The following PCDHA12 variants were observed in gnomAD, a reference collection of about 807,000 sequenced individuals.
PCDHA12 encodes protocadherin alpha-12.
In PCDHA12, 44 loss-of-function variants were observed where a neutral mutation model predicts 60.0. The ratio of observed to expected loss-of-function variants is 0.73; its 90% CI spans 0.58 to 0.94. The LOEUF (loss-of-function observed/expected upper bound fraction) is 0.94. Among genes scored for constraint, PCDHA12 ranks in the 40% least tolerant of loss-of-function variants. The pLI is 0.00. For synonymous variants in PCDHA12, 569 were observed against 553.0 expected (o/e 1.03, Z -0.40); for missense variants, 1,276 against 1,239.7 (o/e 1.03, Z -0.44).
At chr5:140,916,606 C>A (rs561641984) in intron 1 of PCDHA12, among the ~76,000 whole-genome samples, 1 of 152,168 alleles carries the variant, frequency 6.6e-6, no homozygotes, top group African/African-American at 2.4e-5. Context: ...GGAATGCGGG[C>A]CTCATGACTC....
chr5:140,902,956 G>A (rs1356131798), intron 1 of PCDHA12, among the ~76,000 whole-genome samples: 3 of 152,242 alleles, frequency 2.0e-5, no homozygotes, highest in Non-Finnish European at 4.4e-5. Context: ...TTATCCACTT[G>A]TTGGCTGATG....
intron 3 of PCDHA12, among the ~76,000 whole-genome samples, chr5:140,992,995 A>C (rs1347087034): frequency 2.0e-5 from 3 of 152,202 alleles, no homozygotes; most frequent in African/African-American, 7.2e-5. Context: ...GACCCATGAA[A>C]GAGCCTCCCC....
At chr5:140,988,756 A>G (rs577332845) in intron 3 of PCDHA12, among the ~76,000 whole-genome samples, 170 of 152,318 alleles carry the variant, frequency 1.1e-3, no homozygotes, top group African/African-American at 4.0e-3. Flanking sequence ...TGGCCTGGGC[A>G]GAATACAGTC....
intron 1 of PCDHA12, among the ~76,000 whole-genome samples, chr5:140,921,037 T>C (rs2079983245): frequency 1.3e-5 from 2 of 151,986 alleles, no homozygotes; most frequent in Admixed American, 1.3e-4. Context: ...TGGGGTGCAG[T>C]GGGGCAATCA....
At chr5:140,883,467 C>T in intron 1 of PCDHA12, 1 of 1,614,170 alleles carries the variant, frequency 6.2e-7, no homozygotes, top group Non-Finnish European at 8.5e-7. Flanking sequence ...CTGGTGTCCA[C>T]CTACAAGAAC....
chr5:140,884,478 C>G, intron 1 of PCDHA12: 1 of 1,613,916 alleles, frequency 6.2e-7, no homozygotes, highest in African/African-American at 1.3e-5. Context: ...CCGGGCAAGC[C>G]CACTCTAGTG....
chr5:140,995,113 A>G (rs560699104), intron 3 of PCDHA12, among the ~76,000 whole-genome samples: 68 of 152,252 alleles, frequency 4.5e-4, no homozygotes, highest in Non-Finnish European at 8.4e-4. Flanking sequence ...CAAGACCCTC[A>G]GTGGATGCCT....
At chr5:140,985,739 CTTT>C (rs11372071) in intron 3 of PCDHA12, among the ~76,000 whole-genome samples, 5 of 117,900 alleles carry the variant, frequency 4.2e-5, no homozygotes, top group Non-Finnish European at 1.7e-5. Context: ...TGATGAATTC[CTTT>C]TTTTTTTTTT....
chr5:140,966,900 G>T, intron 1 of PCDHA12: 1 of 1,598,802 alleles, frequency 6.3e-7, no homozygotes, highest in Non-Finnish European at 8.5e-7. Context: ...TCCCAGCTGC[G>T]ATACTCTGTG....
intron 1 of PCDHA12, chr5:140,967,190 AACG>A (rs781897780): frequency 6.2e-7 from 1 of 1,613,418 alleles, no homozygotes; most frequent in Non-Finnish European, 8.5e-7. Context: ...ATTGGACATC[AACG>A]ACAACTCACC....
At position 140,951,508 on chromosome 5, in the gene PCDHA12, G is replaced by A. The variant is rs536073969; in HGVS notation, c.2368-27441G>A. Among the ~76,000 whole-genome samples the A allele has an allele frequency of 3.9e-5, 6 of 152,080 alleles. No individual in the cohort carries two copies. The South Asian group carries it at 6.2e-4, about 16-fold the overall frequency. On this transcript the variant is annotated intron_variant, in intron 1 of 3. Coordinates refer to ENST00000398631, the MANE Select transcript of PCDHA12 (RefSeq NM_018903.4). ...TCATGGTGGAAGGCAAAAGGAAAGC[G>A]GCTCATCTTACATGGCCGGTGCAGG...
intron 1 of PCDHA12, chr5:140,928,753 G>A (rs782483181): frequency 1.2e-6 from 2 of 1,614,142 alleles, no homozygotes; most frequent in Non-Finnish European, 8.5e-7. Flanking sequence ...GCTCCGTACT[G>A]CTCGCTTAGT....
At chr5:140,987,011 C>G (rs1266225593) in intron 3 of PCDHA12, among the ~76,000 whole-genome samples, 1 of 151,990 alleles carries the variant, frequency 6.6e-6, no homozygotes, top group African/African-American at 2.4e-5. Context: ...GTCATGAGTT[C>G]GAGACCAGCC....
intron 1 of PCDHA12, chr5:140,927,595 C>A (rs2084392576): frequency 1.2e-6 from 2 of 1,614,038 alleles, no homozygotes; most frequent in South Asian, 2.2e-5. Context: ...TGTATTTGAG[C>A]GCTCCGTATA....
In PCDHA12 at chr5:140,929,084, T is replaced by C; in HGVS notation, c.2368-49865T>C. On this transcript the variant is annotated intron_variant, in intron 1 of 3. Transcript: ENST00000398631. ...GAGGATCTGAGGTATGGAAGTAAGATGGTTTCAAATCCTTGCATGACATCA... is the reference window on the plus strand; with the variant it reads ...GAGGATCTGAGGTATGGAAGTAAGACGGTTTCAAATCCTTGCATGACATCA... The C allele has an allele frequency of 1.9e-6, 3 of 1,614,160 alleles. No individual in the cohort carries two copies. The South Asian group carries it at 3.3e-5, about 18-fold the overall frequency.
chr5:140,970,834 T>C lies in PCDHA12; in HGVS notation c.2368-8115T>C, dbSNP rs566411727. 8.6e-5 allele frequency among the ~76,000 whole-genome samples: 13 copies of C among 151,290 alleles called. No homozygotes were observed. The South Asian group carries it at 1.2e-3, about 14-fold the overall frequency. ...AAGTTCATGGTAATCTTGAGGAATG[T>C]AATGCACAGGCACAAAAGTTCCATT... On this transcript the variant is annotated intron_variant, in intron 1 of 3. Transcript: ENST00000398631.
At chr5:140,948,773 G>A (rs991446033) in intron 1 of PCDHA12, among the ~76,000 whole-genome samples, 12 of 151,352 alleles carry the variant, frequency 7.9e-5, no homozygotes, top group Non-Finnish European at 1.6e-4. Context: ...CGAATAGCCA[G>A]CTTTTGGCTT....
chr5:140,929,327 T>A (rs782155915), intron 1 of PCDHA12: 1 of 1,536,752 alleles, frequency 6.5e-7, no homozygotes, highest in Admixed American at 2.1e-5. Context: ...AATGCCATGG[T>A]AAGCAAATTT....
chr5:140,907,360 T>C (rs1241355980), intron 1 of PCDHA12, among the ~76,000 whole-genome samples: 1 of 152,186 alleles, frequency 6.6e-6, no homozygotes, highest in Admixed American at 6.5e-5. Flanking sequence ...TGCACTTCTT[T>C]AGTCGTAAAG....
Sources: allele counts gnomAD v4.1 joint callset (sites outside exome capture counted in the v4.1 genomes callset), GRCh38; gene constraint gnomAD v4.1.1; transcripts MANE v1.5; gene names NCBI Gene and HGNC (gene_info 2026-07-23, HGNC 2026-07-21).